DLG2: variants seen among roughly 807,000 people sequenced by gnomAD.
The protein encoded by DLG2 is discs large MAGUK scaffold protein 2.
In DLG2, 45 loss-of-function variants were observed where a neutral mutation model predicts 132.5. The ratio of observed to expected loss-of-function variants is 0.34; its 90% CI spans 0.27 to 0.44. DLG2 has a LOEUF of 0.44. Ranked by LOEUF, DLG2 falls within the 20% of genes least tolerant of loss-of-function variation. The pLI is 1.00. For missense variants in DLG2, 1,045 were observed against 1,196.9 expected, an observed-to-expected ratio of 0.87 and a Z score of 1.87; for synonymous variants, 424 against 419.6, an observed-to-expected ratio of 1.01 and a Z score of -0.13.
intron 3 of DLG2, among the ~76,000 whole-genome samples, chr11:85,481,010 C>G (rs376300610): frequency 6.6e-6 from 1 of 152,222 alleles, no homozygotes; most frequent in South Asian, 2.1e-4. Flanking sequence ...GTGGGTTTAG[C>G]AAGTCACTTA....
Position 83,857,817 on chromosome 11 carries a change from C to CTT in DLG2, c.1565+16601_1565+16602dup, listed in dbSNP as rs34112412. Among the ~76,000 whole-genome samples, 232 of 145,364 alleles carry CTT rather than the reference C, an allele frequency of 1.6e-3. 1 individual carries two copies. The highest frequency in any genetic ancestry group is 7.3e-3 in the Middle Eastern group (2 of 274). ...ATGAGAATTTTCTACATTTTCTGCT[C>CTT]TTTTTTTTTTTTTTACTATGAACCT... On this transcript the variant is annotated intron_variant, in intron 16 of 27. Transcript: ENST00000376104.
intron 14 of DLG2, among the ~76,000 whole-genome samples, chr11:83,940,585 G>A (rs1002072807): frequency 1.3e-5 from 2 of 152,134 alleles, no homozygotes; most frequent in African/African-American, 4.8e-5. Flanking sequence ...AAACCACTAA[G>A]TGTTCTGTTG....
intron 21 of DLG2, among the ~76,000 whole-genome samples, chr11:83,486,882 T>C (rs1004322636): frequency 1.3e-5 from 2 of 152,120 alleles, no homozygotes; most frequent in African/African-American, 2.4e-5. Flanking sequence ...ATTTCAACTA[T>C]AAGAGAGACT....
chr11:84,224,241 T>G (rs559700306), intron 8 of DLG2, among the ~76,000 whole-genome samples: 1 of 152,320 alleles, frequency 6.6e-6, no homozygotes, highest in East Asian at 1.9e-4. Context: ...AGGCATTGAC[T>G]GAAGTTGCAT....
intron 5 of DLG2, among the ~76,000 whole-genome samples, chr11:85,143,575 T>C (rs2076638024): frequency 6.6e-6 from 1 of 151,842 alleles, no homozygotes; most frequent in Admixed American, 6.6e-5. Context: ...TTGGTATACT[T>C]CCATCTTACA....
intron 8 of DLG2, among the ~76,000 whole-genome samples, chr11:84,222,902 G>A (rs2096935833): frequency 6.6e-6 from 1 of 152,198 alleles, no homozygotes; most frequent in Non-Finnish European, 1.5e-5. Context: ...CTTGGCTAAT[G>A]TGTGGCATAA....
intron 6 of DLG2, among the ~76,000 whole-genome samples, chr11:84,551,292 T>C (rs1246767468): frequency 6.6e-6 from 1 of 152,212 alleles, no homozygotes; most frequent in Non-Finnish European, 1.5e-5. Context: ...CTTTTGGAAA[T>C]AATAAAAGCA....
At chr11:85,146,998 A>G (rs1322121906) in intron 5 of DLG2, among the ~76,000 whole-genome samples, 1 of 152,162 alleles carries the variant, frequency 6.6e-6, no homozygotes, top group East Asian at 1.9e-4. Flanking sequence ...CTGCTGTGAG[A>G]GGGCAGAATT....
chr11:83,836,499 G>A (rs2056209129), intron 16 of DLG2, among the ~76,000 whole-genome samples: 1 of 152,058 alleles, frequency 6.6e-6, no homozygotes. Flanking sequence ...TTCACATTTG[G>A]AAGCTCTGAC....
At chr11:85,578,365 T>C (rs529926649) in intron 3 of DLG2, among the ~76,000 whole-genome samples, 1 of 152,230 alleles carries the variant, frequency 6.6e-6, no homozygotes, top group East Asian at 1.9e-4. Context: ...CAAAAGCAAT[T>C]GCAACAAAAG....
chr11:85,602,111 A>C (rs2080205339), intron 2 of DLG2, among the ~76,000 whole-genome samples: 1 of 152,206 alleles, frequency 6.6e-6, no homozygotes, highest in African/African-American at 2.4e-5. Flanking sequence ...ACCCACCCTC[A>C]GTCTGCTTCT....
At chr11:84,297,583 C>T (rs1419413334) in intron 7 of DLG2, among the ~76,000 whole-genome samples, 3 of 152,124 alleles carry the variant, frequency 2.0e-5, no homozygotes, top group Non-Finnish European at 4.4e-5. Context: ...ACAAGTACTG[C>T]AAAATATCAT....
At chr11:84,075,889 C>T (rs764712784) in intron 10 of DLG2, among the ~76,000 whole-genome samples, 8 of 152,048 alleles carry the variant, frequency 5.3e-5, no homozygotes, top group African/African-American at 9.7e-5. Context: ...AAACCAGAGC[C>T]GGAACTCCCT....
intron 7 of DLG2, among the ~76,000 whole-genome samples, chr11:84,380,565 C>T (rs937191138): frequency 2.6e-5 from 4 of 151,610 alleles, no homozygotes; most frequent in Non-Finnish European, 5.9e-5. Context: ...ATGTGGAATG[C>T]TGCTAAAATG....
intron 6 of DLG2, among the ~76,000 whole-genome samples, chr11:84,908,216 G>A (rs1187420997): frequency 6.6e-6 from 1 of 151,852 alleles, no homozygotes; most frequent in Non-Finnish European, 1.5e-5. Flanking sequence ...GAAAAAAAGA[G>A]GTAAGATCAA....
At chr11:84,135,627 G>A (rs769630640) in intron 9 of DLG2, among the ~76,000 whole-genome samples, 33 of 152,216 alleles carry the variant, frequency 2.2e-4, no homozygotes, top group South Asian at 8.3e-4. Flanking sequence ...AGAAGAGTGA[G>A]AAATGCAGGA....
chr11:83,688,788 CTTTG>C (rs1228919808), intron 18 of DLG2, among the ~76,000 whole-genome samples: 2 of 152,100 alleles, frequency 1.3e-5, no homozygotes, highest in East Asian at 1.9e-4. Context: ...AGTTTGCCTT[CTTTG>C]TTTATCTATT....
At chr11:85,073,951 C>T (rs1485099108) in intron 6 of DLG2, among the ~76,000 whole-genome samples, 1 of 151,756 alleles carries the variant, frequency 6.6e-6, no homozygotes, top group African/African-American at 2.4e-5. Flanking sequence ...TTGCAGCAAC[C>T]TGAATGTATC....
chr11:85,406,449 A>G (rs1297743254), intron 3 of DLG2, among the ~76,000 whole-genome samples: 1 of 140,188 alleles, frequency 7.1e-6, no homozygotes, highest in Non-Finnish European at 1.6e-5. Flanking sequence ...CACATTCAAA[A>G]GCATTGAACG....
Sources: allele counts gnomAD v4.1 joint callset (sites outside exome capture counted in the v4.1 genomes callset), GRCh38; gene constraint gnomAD v4.1.1; transcripts MANE v1.5; gene names NCBI Gene and HGNC (gene_info 2026-07-23, HGNC 2026-07-21).